LONP2: variants seen among roughly 807,000 people sequenced by gnomAD.
The protein encoded by LONP2 is lon peptidase 2, peroxisomal, also known as lon protease homolog 2, peroxisomal.
In LONP2, 60 loss-of-function variants were observed where a neutral mutation model predicts 85.6. The observed-to-expected ratio is 0.70, with a 90% CI of 0.57 to 0.87. The LOEUF (loss-of-function observed/expected upper bound fraction) is 0.87. LONP2 is among the 40% of genes least tolerant of loss of function. LONP2 has a pLI of 0.00. For missense variants in LONP2, 860 were observed against 1,063.5 expected (o/e 0.81, Z 2.66); for synonymous variants, 395 against 389.7 (o/e 1.01, Z -0.16).
chr16:48,362,544 C>A lies in LONP2; in HGVS notation c.*681C>A. 3 of 1,032,160 alleles carry A rather than the reference C, an allele frequency of 2.9e-6. No homozygotes were observed. The highest frequency in any genetic ancestry group is 2.8e-6 in the Non-Finnish European group (2 of 708,206). The allele number at this position is 1,032,160 out of a possible 1,614,324, so 63.9% of individuals were successfully genotyped here. A position where few individuals can be genotyped will look rare whatever the true frequency, so the allele number is the denominator to read the frequency against. On this transcript the variant is annotated 3_prime_UTR_variant, in exon 5 of 5. Coordinates refer to the LONP2 transcript ENST00000565867. This position sits in a 1 kb window ranked among gnomAD's most constrained non-coding sequence, Gnocchi z 4.2. ...AAAGTTTCATACAAAATTTACTGAG[C>A]AAAAGAGGAAGAAAAATAGGATTAA...
chr16:48,332,609 G>T (rs1959492310), intron 11 of LONP2, among the ~76,000 whole-genome samples: 2 of 152,134 alleles, frequency 1.3e-5, no homozygotes, highest in African/African-American at 4.8e-5. Flanking sequence ...CTACAGGGAG[G>T]TTGAGCCAGG....
Position 48,277,340 on chromosome 16 carries a change from G to A in LONP2, c.1244G>A (p.Arg415His), listed in dbSNP as rs767704171. 5 of 1,612,256 alleles carry A rather than the reference G, an allele frequency of 3.1e-6. No individual in the cohort carries two copies. Among genetic ancestry groups the A allele is most frequent in the Non-Finnish European group, 3.4e-6 (4 of 1,179,290 alleles). Reference sequence around the variant, plus strand: ...AATGTGCTACTTGCTTTCTCTAGGCGCACCTATGTTGGCAGCATGCCTGGT... The same window carrying A: ...AATGTGCTACTTGCTTTCTCTAGGCACACCTATGTTGGCAGCATGCCTGGT... ...CDQSDIRGHR[R>H]TYVGSMPGRI... is the part of the protein sequence containing the mutation. Residue 415 changes from arginine to histidine, a missense_variant and splice_region_variant, in exon 8 of 15, where the codon CGC becomes CAC. Arg to His is a conservative substitution (Grantham distance 29). Transcript: ENST00000285737.
At chr16:48,348,486 CCTTT>C (rs1960040724) in intron 14 of LONP2, among the ~76,000 whole-genome samples, 196 bp downstream of exon 14, 2 of 133,120 alleles carry the variant, frequency 1.5e-5, no homozygotes, top group African/African-American at 3.0e-5. Flanking sequence ...TTCACATTTT[CCTTT>C]TTTTTTTTTT....
At chr16:48,258,517 A>T in intron 3 of LONP2, 101 bp from the exon 4 acceptor site, 1 of 1,201,828 alleles carries the variant, frequency 8.3e-7, no homozygotes, top group Non-Finnish European at 1.1e-6. Context: ...ACTGTTAATA[A>T]TTTTTTTTTA....
intron 7 of LONP2, among the ~76,000 whole-genome samples, chr16:48,274,422 G>T (rs1245942735): frequency 6.6e-6 from 1 of 151,952 alleles, no homozygotes; most frequent in Non-Finnish European, 1.5e-5. Flanking sequence ...GTGAATTCAT[G>T]TAAGATTAAA....
chr16:48,265,374 A>G (rs1971969017), intron 6 of LONP2, among the ~76,000 whole-genome samples: 1 of 152,148 alleles, frequency 6.6e-6, no homozygotes, highest in South Asian at 2.1e-4. Context: ...TCTTTAATCC[A>G]TTTTGAATTA....
chr16:48,264,320 C>G (rs1475790224), intron 6 of LONP2, among the ~76,000 whole-genome samples: 1 of 152,100 alleles, frequency 6.6e-6, no homozygotes, highest in Non-Finnish European at 1.5e-5. Flanking sequence ...CCCGGGGGGG[C>G]CAGTTCAGAG....
intron 12 of LONP2, chr16:48,334,585 G>A: frequency 1.5e-6 from 1 of 668,144 alleles, no homozygotes; most frequent in South Asian, 1.6e-5. Context: ...TCTTCTTGCA[G>A]TTGTATTTCT....
intron 4 of LONP2, among the ~76,000 whole-genome samples, chr16:48,260,501 A>G (rs1971852182): frequency 6.6e-6 from 1 of 152,198 alleles, no homozygotes; most frequent in African/African-American, 2.4e-5. Flanking sequence ...TAGGAAGCTG[A>G]GGTGGAAGGA....
chr16:48,283,068 C>CT (rs1402449631), intron 8 of LONP2, among the ~76,000 whole-genome samples: 1 of 152,214 alleles, frequency 6.6e-6, no homozygotes, highest in East Asian at 1.9e-4. Flanking sequence ...AAGCCGAAAC[C>CT]TAGTCCAGAG....
chr16:48,323,146 A>G (rs1024335014), intron 11 of LONP2, among the ~76,000 whole-genome samples: 3 of 152,244 alleles, frequency 2.0e-5, no homozygotes, highest in African/African-American at 7.2e-5. Context: ...AATAATTGCT[A>G]ATTTTTAACC....
At chr16:48,252,487 CAT>C (rs1292011306) in intron 2 of LONP2, 122 bp downstream of exon 2, 1 of 556,996 alleles carries the variant, frequency 1.8e-6, no homozygotes, top group African/African-American at 1.9e-5. Context: ...GAGTTAGTAA[CAT>C]TATATATTAA....
intron 1 of LONP2, among the ~76,000 whole-genome samples, chr16:48,246,720 G>A (rs963113739): frequency 6.6e-5 from 10 of 151,998 alleles, no homozygotes; most frequent in African/African-American, 2.2e-4. Context: ...GACTATAGGC[G>A]TGCACCACTA....
At chr16:48,323,738 A>C (rs1814645932) in intron 11 of LONP2, among the ~76,000 whole-genome samples, 1 of 152,164 alleles carries the variant, frequency 6.6e-6, no homozygotes, top group African/African-American at 2.4e-5. Context: ...TATTATGTAG[A>C]AATGTTCAGT....
At chr16:48,283,294 T>C (rs996459697) in intron 8 of LONP2, among the ~76,000 whole-genome samples, 1 of 152,174 alleles carries the variant, frequency 6.6e-6, no homozygotes, top group African/African-American at 2.4e-5. Context: ...TTGATAAAGG[T>C]GGCTACACTA....
At chr16:48,340,391 CAG>C (rs1036848185) in intron 12 of LONP2, among the ~76,000 whole-genome samples, 1 of 152,196 alleles carries the variant, frequency 6.6e-6, no homozygotes, top group African/African-American at 2.4e-5. Context: ...TCCCTAAAAA[CAG>C]AGACCTACCC....
In LONP2 at chr16:48,259,694, T is replaced by C. The variant is rs371291664; in HGVS notation, c.723+954T>C. Among the ~76,000 whole-genome samples the C allele has an allele frequency of 4.6e-5, 7 of 152,278 alleles. No homozygotes were observed. The East Asian group carries it at 1.4e-3, about 29-fold the overall frequency. On this transcript the variant is annotated intron_variant, in intron 4 of 14. Coordinates refer to ENST00000285737, the MANE Select transcript of LONP2 (RefSeq NM_031490.5). Reference sequence around the variant, plus strand: ...TGGGACTAGAGAAGGGGCAGTCAAGTAGGCTGAGGAGAGAGATAGGAACAG... The same window carrying C: ...TGGGACTAGAGAAGGGGCAGTCAAGCAGGCTGAGGAGAGAGATAGGAACAG...
intron 10 of LONP2, among the ~76,000 whole-genome samples, chr16:48,300,617 A>G (rs1018625277): frequency 4.6e-5 from 7 of 152,248 alleles, no homozygotes; most frequent in African/African-American, 1.4e-4. Flanking sequence ...TTTGACTTAG[A>G]GTTTGGCCAG....
At position 48,254,512 on chromosome 16, in the gene LONP2, C is replaced by T. The variant is rs368576002; in HGVS notation, c.469-2098C>T. 1.5e-4 allele frequency among the ~76,000 whole-genome samples: 23 copies of T among 152,072 alleles called. No individual in the cohort carries two copies. The East Asian group carries it at 1.7e-3, about 12-fold the overall frequency. ...CCAAGTAGCTGGCATTACAGGCATG[C>T]GCCACCACGCCCGGCTAACTTTTTG... On this transcript the variant is annotated intron_variant, in intron 2 of 14. Transcript: ENST00000285737.
Sources: gnomAD v4.1 joint callset for allele counts (sites outside exome capture counted in the v4.1 genomes callset) on GRCh38, gnomAD v4.1.1 for gene constraint, Gnocchi (gnomAD v3.1) non-coding constraint, MANE v1.5 for transcripts, NCBI Gene and HGNC (gene_info 2026-07-23, HGNC 2026-07-21) for gene names.